The following MTCL1 variants were observed in gnomAD, a reference collection of about 807,000 sequenced individuals.
The protein encoded by MTCL1 is microtubule cross-linking factor 1.
Under a neutral mutation model 141.4 loss-of-function variants are expected in MTCL1, and 79 were observed. The ratio of observed to expected loss-of-function variants is 0.56; its 90% CI spans 0.47 to 0.67. The LOEUF (loss-of-function observed/expected upper bound fraction) is 0.67. Among genes scored for constraint, MTCL1 ranks in the 30% least tolerant of loss-of-function variants. The pLI is 0.00. For synonymous variants in MTCL1, 914 were observed against 875.8 expected (o/e 1.04, Z -0.77); for missense variants, 2,177 against 2,113.9 (o/e 1.03, Z -0.59).
intron 4 of MTCL1, among the ~76,000 whole-genome samples, chr18:8,736,887 G>T (rs961084463): frequency 6.6e-6 from 1 of 152,100 alleles, no homozygotes; most frequent in East Asian, 1.9e-4. Context: ...TGATCTGCCC[G>T]CCACGGCCTC....
intron 4 of MTCL1, among the ~76,000 whole-genome samples, chr18:8,731,071 C>G (rs1415540112): frequency 6.6e-6 from 1 of 151,800 alleles, no homozygotes; most frequent in Non-Finnish European, 1.5e-5. Context: ...CGGTGAAACC[C>G]CATCTCTACT....
intron 4 of MTCL1, among the ~76,000 whole-genome samples, chr18:8,764,533 G>T (rs923241005): frequency 6.6e-6 from 1 of 152,068 alleles, no homozygotes; most frequent in Non-Finnish European, 1.5e-5. Context: ...GGCCAGGCTG[G>T]TCTCGAACTC....
At chr18:8,706,552 G>C (rs1267311904) in exon 1 of MTCL1, 2 of 1,399,278 alleles carry the variant, frequency 1.4e-6, no homozygotes, top group African/African-American at 3.0e-5. Context: ...GGGGCCCGGC[G>C]TGGCGGAGGA....
At position 8,821,466 on chromosome 18, in the gene MTCL1, G is replaced by A; in HGVS notation, c.3157-1G>A. ...CAGATGAAGTTATTTCTTCTTTATA[G>A]GAAGAAGAAAATCACAAAGGAAATC... On this transcript the variant is annotated splice_acceptor_variant, in intron 13 of 16. Coordinates refer to ENST00000359865, the Ensembl canonical transcript of MTCL1. LOFTEE classifies it high-confidence loss of function. 1.4e-6 allele frequency: 2 copies of A among 1,442,062 alleles called. No homozygotes were observed. The highest frequency in any genetic ancestry group is 1.9e-6 in the Non-Finnish European group (2 of 1,036,542). 89.3% of individuals were successfully genotyped at this position (1,442,062 alleles called of 1,614,324 possible).
chr18:8,726,286 C>CTT (rs77665680), intron 4 of MTCL1, among the ~76,000 whole-genome samples: 1 of 102,260 alleles, frequency 9.8e-6, no homozygotes, highest in Non-Finnish European at 1.9e-5. Context: ...TTCTTTTTTT[C>CTT]TTTTTTTTTT....
In MTCL1 at chr18:8,720,581, C is replaced by A; in HGVS notation, c.357+85C>A. On this transcript the variant is annotated intron_variant, in intron 4 of 16. Transcript: ENST00000359865. ...CCAAGTGCCCCCTTCTCATTGTGGTCGAAAGCTGGGGTTGGCAAATCGTGG... is the reference window on the plus strand; with the variant it reads ...CCAAGTGCCCCCTTCTCATTGTGGTAGAAAGCTGGGGTTGGCAAATCGTGG... The A allele has an allele frequency of 2.9e-6, 4 of 1,378,902 alleles. No individual in the cohort carries two copies. The South Asian group carries it at 4.4e-5, about 15-fold the overall frequency. The allele number at this position is 1,378,902 out of a possible 1,614,324, so 85.4% of individuals were successfully genotyped here.
chr18:8,766,203 A>G (rs1395866107), intron 4 of MTCL1, among the ~76,000 whole-genome samples: 2 of 152,234 alleles, frequency 1.3e-5, no homozygotes, highest in South Asian at 2.1e-4. Flanking sequence ...GGCGTGGTTA[A>G]TGAGCACTCC....
At chr18:8,764,256 G>A (rs1056233207) in intron 4 of MTCL1, among the ~76,000 whole-genome samples, 3 of 151,836 alleles carry the variant, frequency 2.0e-5, no homozygotes, top group African/African-American at 7.3e-5. Flanking sequence ...GTTATCACTT[G>A]TTAAGCAAAT....
intron 4 of MTCL1, among the ~76,000 whole-genome samples, chr18:8,765,292 G>A (rs2096454338): frequency 1.3e-5 from 2 of 152,224 alleles, no homozygotes; most frequent in South Asian, 4.1e-4. Context: ...AAAAGCTGGG[G>A]CAACTATGCC....
chr18:8,758,268 C>T (rs939059601), intron 4 of MTCL1, among the ~76,000 whole-genome samples: 1 of 152,158 alleles, frequency 6.6e-6, no homozygotes, highest in African/African-American at 2.4e-5. Flanking sequence ...GGTGATCCGC[C>T]TGCCTCGGCC....
At chr18:8,720,376 T>C in exon 4 of MTCL1, 2 of 1,614,162 alleles carry the variant, frequency 1.2e-6, no homozygotes, top group Non-Finnish European at 1.7e-6. Flanking sequence ...ACCACGAACT[T>C]AAGACGGTGG....
chr18:8,812,963 C>T lies in MTCL1; in HGVS notation c.2605-16C>T. 1 of 1,602,074 alleles carries T rather than the reference C, an allele frequency of 6.2e-7. No homozygotes were observed. ...CTTGTCAGAGAGGGAATTCCTAAGT[C>T]TCTTCTCCTTGACAGCTGGAAGAGA... On this transcript the variant is annotated splice_polypyrimidine_tract_variant and intron_variant, in intron 11 of 16. Transcript: ENST00000359865.
At chr18:8,819,086 T>C in exon 13 of MTCL1, 1 of 1,614,264 alleles carries the variant, frequency 6.2e-7, no homozygotes, top group Non-Finnish European at 8.5e-7. Flanking sequence ...CATGTGGCCT[T>C]GTGCAGATGC....
intron 4 of MTCL1, among the ~76,000 whole-genome samples, chr18:8,771,948 C>G (rs950888610): frequency 1.3e-5 from 2 of 152,234 alleles, no homozygotes; most frequent in Non-Finnish European, 2.9e-5. Flanking sequence ...TCCACTGGCT[C>G]TCTGAGGCAT....
At chr18:8,774,254 ATGTGTG>A (rs138724389) in intron 4 of MTCL1, among the ~76,000 whole-genome samples, 4 of 150,132 alleles carry the variant, frequency 2.7e-5, no homozygotes, top group South Asian at 2.1e-4. Context: ...CTCTTTTCGA[ATGTGTG>A]TGTGTGTGTG....
At chr18:8,714,643 G>A (rs118033501), upstream of MTCL1, among the ~76,000 whole-genome samples, 6 of 152,250 alleles carry the variant, frequency 3.9e-5, no homozygotes, top group Non-Finnish European at 8.8e-5. Context: ...CTTACTCACT[G>A]TCACGAGCAG....
chr18:8,801,951 A>G (rs2144012882), intron 10 of MTCL1: 1 of 152,338 alleles, frequency 6.6e-6, no homozygotes, highest in African/African-American at 2.4e-5. Context: ...CCATGATATT[A>G]ATAGATTATA....
exon 6 of MTCL1, chr18:8,784,062 C>T (rs768371456): frequency 1.1e-5 from 18 of 1,613,264 alleles, no homozygotes; most frequent in East Asian, 2.2e-5. Flanking sequence ...CCCCGGGAGC[C>T]GGGCTGGCTA....
exon 6 of MTCL1, chr18:8,784,759 C>T: frequency 6.2e-7 from 1 of 1,614,184 alleles, no homozygotes; most frequent in Non-Finnish European, 8.5e-7. Context: ...TCACAGAGTC[C>T]TCTAGCTTCC....
Sources: allele counts gnomAD v4.1 joint callset (sites outside exome capture counted in the v4.1 genomes callset), GRCh38; gene constraint gnomAD v4.1.1; transcripts MANE v1.5; gene names NCBI Gene and HGNC (gene_info 2026-07-23, HGNC 2026-07-21).